The following RBM25 variants were observed in gnomAD, a reference collection of about 807,000 sequenced individuals.
The protein encoded by RBM25 is RNA binding motif protein 25.
RBM25 carries 19 observed loss-of-function variants against 120.7 expected under a neutral mutation model. The observed-to-expected ratio is 0.16, with a 90% CI of 0.11 to 0.23. The LOEUF (loss-of-function observed/expected upper bound fraction) is 0.23. Ranked by LOEUF, RBM25 falls within the 10% of genes least tolerant of loss-of-function variation. The probability of loss-of-function intolerance (pLI) is 1.00; values close to 1 mark genes in which losing one functional copy is unlikely to be tolerated. For synonymous variants in RBM25, 390 were observed against 326.7 expected (o/e 1.19, Z -2.09); for missense variants, 605 against 1,041.5 (o/e 0.58, Z 5.77).
chr14:73,096,676 T>G (rs1895948305), intron 6 of RBM25, among the ~76,000 whole-genome samples: 1 of 152,170 alleles, frequency 6.6e-6, no homozygotes, highest in Non-Finnish European at 1.5e-5. Context: ...GTCCTGAAAT[T>G]TAGGGACCAG....
Position 73,120,832 on chromosome 14 carries a change from G to A in RBM25, c.*1027G>A, listed in dbSNP as rs1406941553. On this transcript the variant is annotated 3_prime_UTR_variant, in exon 19 of 19. Transcript: ENST00000261973. Reference sequence around the variant, plus strand: ...CAGTGAGAGTTTTACAAACATGATAGGTATTCTGCTCGGCAATTTGTAAGT... The same window carrying A: ...CAGTGAGAGTTTTACAAACATGATAAGTATTCTGCTCGGCAATTTGTAAGT... 6.6e-6 allele frequency: 1 copy of A among 152,170 alleles called. No homozygotes were observed. Among genetic ancestry groups the A allele is most frequent in the Non-Finnish European group, 1.5e-5 (1 of 68,028 alleles). 9.4% of individuals were successfully genotyped at this position (152,170 alleles called of 1,614,324 possible). A position where few individuals can be genotyped will look rare whatever the true frequency, so the allele number is the denominator to read the frequency against.
Position 73,112,029 on chromosome 14 carries a change from ATCTG to A in RBM25, c.2293-119_2293-116del, listed in dbSNP as rs371202005. On this transcript the variant is annotated intron_variant, in intron 16 of 18. Transcript: ENST00000261973. Reference sequence around the variant, plus strand: ...AGCAGATGATTGTATCTTGATACATATCTGTCTTAGTTCAACTTGTGAAATAACA... The same window carrying A: ...AGCAGATGATTGTATCTTGATACATATCTTAGTTCAACTTGTGAAATAACA... 468 of 1,077,956 alleles carry A rather than the reference ATCTG, an allele frequency of 4.3e-4. 4 individuals carry two copies. The highest frequency in any genetic ancestry group is 2.0e-3 in the Middle Eastern group (9 of 4,588). The allele number at this position is 1,077,956 out of a possible 1,614,324, so 66.8% of individuals were successfully genotyped here. A position where few individuals can be genotyped will look rare whatever the true frequency, so the allele number is the denominator to read the frequency against.
chr14:73,076,402 T>C (rs189552693), intron 3 of RBM25, 34 bp downstream of exon 3: 29 of 1,566,212 alleles, frequency 1.9e-5, no homozygotes, highest in Admixed American at 1.5e-4. Context: ...TCATGAGTTA[T>C]GGTAGTGCTA....
chr14:73,082,175 C>A (rs1312892061), intron 4 of RBM25, among the ~76,000 whole-genome samples: 1 of 152,162 alleles, frequency 6.6e-6, no homozygotes, highest in Admixed American at 6.5e-5. Context: ...TCCAGACTTA[C>A]ATTGAAATAT....
At chr14:73,093,907 A>C (rs1254346934) in intron 6 of RBM25, among the ~76,000 whole-genome samples, 1 of 148,578 alleles carries the variant, frequency 6.7e-6, no homozygotes, top group East Asian at 2.0e-4. Flanking sequence ...CAGTCTGTGG[A>C]GTGGTCTTTC....
intron 1 of RBM25, chr14:73,068,306 C>T: frequency 1.3e-6 from 1 of 792,702 alleles, no homozygotes; most frequent in South Asian, 1.4e-5. Context: ...TTGTGAGTAC[C>T]AAAGGATTTC....
At chr14:73,111,272 TAAA>T in intron 15 of RBM25, 117 bp downstream of exon 15, 1 of 968,184 alleles carries the variant, frequency 1.0e-6, no homozygotes, top group South Asian at 1.8e-5. Flanking sequence ...AGAAGATTAC[TAAA>T]AAATGCCTTT....
intron 1 of RBM25, among the ~76,000 whole-genome samples, chr14:73,070,352 C>G (rs1895254399): frequency 2.0e-5 from 3 of 152,124 alleles, no homozygotes; most frequent in Admixed American, 2.0e-4. Flanking sequence ...CCACTGCAAC[C>G]AACCTGTTCT....
chr14:73,067,431 C>T (rs1895165145), intron 1 of RBM25, among the ~76,000 whole-genome samples: 1 of 151,796 alleles, frequency 6.6e-6, no homozygotes, highest in Non-Finnish European at 1.5e-5. Flanking sequence ...ATTTTTGAGG[C>T]AGTCTTGCTC....
rs1211148712 is a variant in RBM25, at chr14:73,112,800, T to C, written c.2391+550T>C. Among the ~76,000 whole-genome samples the C allele has an allele frequency of 5.3e-5, 8 of 152,036 alleles. No homozygotes were observed. The South Asian group carries it at 1.5e-3, about 28-fold the overall frequency. On this transcript the variant is annotated intron_variant, in intron 17 of 18. Transcript: ENST00000261973. ...GTTTTGTTTTGTTTTGTTTTTTGTT[T>C]TTTGTTTTTGTTTTTTCTTTTGAGT...
At chr14:73,072,407 G>A (rs988307274) in intron 2 of RBM25, among the ~76,000 whole-genome samples, 1 of 151,866 alleles carries the variant, frequency 6.6e-6, no homozygotes, top group South Asian at 2.1e-4. Flanking sequence ...TTACTAAAAA[G>A]GGAAGCAATA....
intron 5 of RBM25, among the ~76,000 whole-genome samples, chr14:73,084,631 CA>C (rs1895641787): frequency 6.6e-6 from 1 of 152,086 alleles, no homozygotes; most frequent in Non-Finnish European, 1.5e-5. Context: ...TGGCTCACTG[CA>C]ACTTCCACCT....
chr14:73,069,746 T>TTAAAA (rs545485336), intron 1 of RBM25: 13 of 44,154 alleles, frequency 2.9e-4, no homozygotes, highest in African/African-American at 1.1e-3. Context: ...CCCTGTTTCT[T>TTAAAA]AAAAAAAAAA....
Position 73,103,392 on chromosome 14 carries a change from G to A in RBM25, c.1068G>A (p.Glu356=). ...ERDRDRDRTK[E]RDRDRDRERD... ...ATAGGGACCGTGACCGGACAAAAGA[G>A]AGAGACCGAGATCGGGATCGAGAGA... Residue 356 remains glutamate, a synonymous_variant, in exon 10 of 19, where the codon GAG becomes GAA. Coordinates refer to ENST00000261973, the MANE Select transcript of RBM25 (RefSeq NM_021239.3). 1 of 1,613,082 alleles carries A rather than the reference G, an allele frequency of 6.2e-7. No individual in the cohort carries two copies. The highest frequency in any genetic ancestry group is 8.5e-7 in the Non-Finnish European group (1 of 1,179,554).
At chr14:73,078,306 A>C (rs564142492) in intron 4 of RBM25, among the ~76,000 whole-genome samples, 1 of 152,042 alleles carries the variant, frequency 6.6e-6, no homozygotes, top group South Asian at 2.1e-4. Context: ...CCATCTCAAA[A>C]AAATAATGAC....
At position 73,099,726 on chromosome 14, in the gene RBM25, C is replaced by A; in HGVS notation, c.843C>A (p.Ile281=). 1.2e-6 allele frequency: 2 copies of A among 1,609,372 alleles called. No homozygotes were observed. The highest frequency in any genetic ancestry group is 2.2e-5 in the South Asian group (2 of 89,886). The part of the protein sequence containing the change: ...EDKRDLISRE[I]SKFRDTHKKL... ...AAAGAGACCTGATATCTCGAGAGAT[C>A]AGCAAATTCAGAGACACACATAAGG... Residue 281 remains isoleucine, a synonymous_variant, in exon 9 of 19, where the codon ATC becomes ATA. Coordinates refer to ENST00000261973, the MANE Select transcript of RBM25 (RefSeq NM_021239.3).
At chr14:73,095,871 C>T (rs904700451) in intron 6 of RBM25, among the ~76,000 whole-genome samples, 1 of 152,044 alleles carries the variant, frequency 6.6e-6, no homozygotes, top group Non-Finnish European at 1.5e-5. Context: ...CCAAGTAAGT[C>T]GTTAAAAACT....
intron 1 of RBM25, among the ~76,000 whole-genome samples, chr14:73,067,097 T>G (rs992159260): frequency 1.3e-5 from 2 of 148,504 alleles, no homozygotes; most frequent in Non-Finnish European, 3.0e-5. Context: ...TGATGTGGAT[T>G]CTTGCTCTGT....
intron 7 of RBM25, 124 bp from the exon 8 acceptor site, chr14:73,099,256 C>T: frequency 2.4e-6 from 2 of 830,504 alleles, no homozygotes; most frequent in South Asian, 1.9e-5. Flanking sequence ...AATTTGAAAT[C>T]AAGAAAGCAT....
Sources: gnomAD v4.1 joint callset for allele counts (sites outside exome capture counted in the v4.1 genomes callset) on GRCh38, gnomAD v4.1.1 for gene constraint, MANE v1.5 for transcripts, NCBI Gene and HGNC (gene_info 2026-07-23, HGNC 2026-07-21) for gene names.